Variants in KCNT2 observed in about 807,000 individuals in gnomAD.
KCNT2 encodes the protein potassium channel subfamily T member 2.
A neutral mutation model predicts 153.8 loss-of-function variants in KCNT2; 67 were observed. That is an observed-to-expected ratio of 0.44 (90% confidence interval 0.36 to 0.53). The LOEUF (loss-of-function observed/expected upper bound fraction) is 0.53, where lower values mean the gene tolerates loss of function less well. KCNT2 is among the 20% of genes least tolerant of loss of function. The pLI is 0.00. For synonymous variants in KCNT2, 500 were observed against 458.8 expected, an observed-to-expected ratio of 1.09 and a Z score of -1.15; for missense variants, 975 against 1,354.8, an observed-to-expected ratio of 0.72 and a Z score of 4.40.
chr1:196,457,777 A>G, intron 8 of KCNT2, among the ~76,000 whole-genome samples: 1 of 151,942 alleles, frequency 6.6e-6, no homozygotes, highest in Non-Finnish European at 1.5e-5. Context: ...AGGAGTCAAC[A>G]GTTAACTTAG....
At position 196,596,056 on chromosome 1, in the gene KCNT2, GTATATATATATATATATATATATA is replaced by G. The variant is rs1174131733; in HGVS notation, c.95+12135_95+12158del. Among the ~76,000 whole-genome samples, 32 of 4,356 alleles carry G rather than the reference GTATATATATATATATATATATATA, an allele frequency of 7.3e-3. 2 individuals carry two copies. The East Asian group carries it at 0.087, about 12-fold the overall frequency. The allele number at this position is 4,356 out of a possible 152,430, so 2.9% of individuals were successfully genotyped here. The stretch of plus-strand genomic sequence containing the variant: ...ATGGCTGAGTTGTATTCCATGATGT[GTATATATATATATATATATATATA>G]TATATATATATATATATATATCACA... On this transcript the variant is annotated intron_variant, in intron 1 of 27. Coordinates refer to ENST00000294725, the MANE Select transcript of KCNT2 (RefSeq NM_198503.5).
At chr1:196,413,549 A>T (rs965153392) in intron 12 of KCNT2, among the ~76,000 whole-genome samples, 13 of 151,754 alleles carry the variant, frequency 8.6e-5, no homozygotes, top group African/African-American at 2.9e-4. Context: ...ACAAATCTTC[A>T]AATGTTACCA....
chr1:196,272,819 A>G (rs762854991), intron 25 of KCNT2, among the ~76,000 whole-genome samples: 5 of 151,858 alleles, frequency 3.3e-5, no homozygotes, highest in Non-Finnish European at 5.9e-5. Flanking sequence ...GTGGTTACCA[A>G]TGGCCAGAGG....
intron 13 of KCNT2, among the ~76,000 whole-genome samples, chr1:196,382,596 A>G (rs1669605927): frequency 6.6e-6 from 1 of 152,088 alleles, no homozygotes; most frequent in African/African-American, 2.4e-5. Flanking sequence ...ATAGGGTATG[A>G]GGTAATTGGG....
At position 196,453,280 on chromosome 1, in the gene KCNT2, C is replaced by G. The variant is rs1676377415; in HGVS notation, c.638+12013G>C. On this transcript the variant is annotated intron_variant, in intron 8 of 27. Coordinates refer to ENST00000294725, the MANE Select transcript of KCNT2 (RefSeq NM_198503.5). ...TAGTGGATTTTCCATAGCCTCAACA[C>G]TACGGCACTTGAGGACTTTGGCTCA... Among the ~76,000 whole-genome samples the G allele has an allele frequency of 2.0e-5, 3 of 151,706 alleles. No individual in the cohort carries two copies. In the South Asian group the frequency reaches 6.2e-4, roughly 32 times the overall value.
In KCNT2 at chr1:196,332,256, G is replaced by A. The variant is rs1403675190; in HGVS notation, c.1998-995C>T. On this transcript the variant is annotated intron_variant, in intron 17 of 27. Coordinates refer to ENST00000294725, the MANE Select transcript of KCNT2 (RefSeq NM_198503.5). ...TCTACAATTACTCAACATCTCTTTC[G>A]TTTTTCTAGAAATAAGAAAAAATCT... is the stretch of plus-strand genomic sequence containing the variant. Among the ~76,000 whole-genome samples, 6 of 151,834 alleles carry A rather than the reference G, an allele frequency of 4.0e-5. No homozygotes were observed. The South Asian group carries it at 6.2e-4, about 16-fold the overall frequency.
Position 196,258,469 on chromosome 1 carries a change from T to A in KCNT2, c.2936A>T (p.Glu979Val). The change falls in exon 26 of 28, where the codon GAG becomes GTG. Residue 979 changes from glutamate (E) to valine (V), a missense_variant. Physicochemically the swap from Glu to Val is moderately radical, Grantham distance 121. Around this residue, in one of 6 missense-constraint regions of KCNT2, gnomAD observed 241 missense variants for 271.1 expected, o/e 0.89. Transcript: ENST00000294725. ...TTTGGAGTCTTTGGTGTCTTCCCACTCTTCTACACTGATAGATATTTGAGA... is the reference window on the plus strand; with the variant it reads ...TTTGGAGTCTTTGGTGTCTTCCCACACTTCTACACTGATAGATATTTGAGA... ...SESQISISVE[E>V]WEDTKDSKEQ... 6.3e-7 allele frequency: 1 copy of A among 1,599,416 alleles called. No homozygotes were observed. Among genetic ancestry groups the A allele is most frequent in the Non-Finnish European group, 8.6e-7 (1 of 1,169,080 alleles).
chr1:196,363,276 G>A (rs1667774949), intron 14 of KCNT2, among the ~76,000 whole-genome samples: 1 of 151,970 alleles, frequency 6.6e-6, no homozygotes, highest in Non-Finnish European at 1.5e-5. Flanking sequence ...CTTCCTTCAT[G>A]TTGTTTCTTT....
chr1:196,343,208 A>G (rs1472925848), intron 14 of KCNT2: 2 of 152,202 alleles, frequency 1.3e-5, no homozygotes, highest in Non-Finnish European at 2.9e-5. Flanking sequence ...CCACAAAAGT[A>G]TTTTTATAAA....
At chr1:196,238,174 C>T (rs1330093549) in intron 26 of KCNT2, among the ~76,000 whole-genome samples, 2 of 151,830 alleles carry the variant, frequency 1.3e-5, no homozygotes, top group Non-Finnish European at 2.9e-5. Flanking sequence ...CAACACCTAG[C>T]CTTTATCCTT....
At chr1:196,379,568 TC>T (rs1558218103) in intron 13 of KCNT2, among the ~76,000 whole-genome samples, 7 of 33,712 alleles carry the variant, frequency 2.1e-4, no homozygotes. Flanking sequence ...TGAGACTTTC[TC>T]TCTCTCTCTC....
At chr1:196,304,840 A>G (rs958876522) in intron 22 of KCNT2, among the ~76,000 whole-genome samples, 1 of 152,134 alleles carries the variant, frequency 6.6e-6, no homozygotes, top group African/African-American at 2.4e-5. Context: ...CCAAACTTCT[A>G]CTGGGGAGGT....
At chr1:196,256,300 T>C (rs1205812736) in intron 26 of KCNT2, among the ~76,000 whole-genome samples, 1 of 152,036 alleles carries the variant, frequency 6.6e-6, no homozygotes, top group Non-Finnish European at 1.5e-5. Flanking sequence ...CTAACAGTTC[T>C]GCCAAATTTT....
intron 12 of KCNT2, among the ~76,000 whole-genome samples, chr1:196,407,416 C>G (rs1671919147): frequency 6.6e-6 from 1 of 151,436 alleles, no homozygotes; most frequent in African/African-American, 2.4e-5. Flanking sequence ...TTCAAGGTAT[C>G]TTTTCAAGTT....
At chr1:196,326,180 A>C (rs2148069253) in intron 19 of KCNT2, among the ~76,000 whole-genome samples, 1 of 152,298 alleles carries the variant, frequency 6.6e-6, no homozygotes, top group South Asian at 2.1e-4. Flanking sequence ...TAACAAAAGT[A>C]AACCAATCCA....
intron 22 of KCNT2, among the ~76,000 whole-genome samples, chr1:196,299,629 G>A (rs1462556734): frequency 6.6e-6 from 1 of 152,006 alleles, no homozygotes; most frequent in East Asian, 1.9e-4. Context: ...CAGAGAAACG[G>A]GAACGCTTAT....
chr1:196,381,923 A>C (rs1363926759), intron 13 of KCNT2, among the ~76,000 whole-genome samples: 1 of 152,198 alleles, frequency 6.6e-6, no homozygotes, highest in Non-Finnish European at 1.5e-5. Context: ...TGATTCAAAA[A>C]TATTTTGGAA....
intron 14 of KCNT2, among the ~76,000 whole-genome samples, chr1:196,351,814 C>A (rs1361467465): frequency 1.3e-5 from 2 of 152,092 alleles, no homozygotes; most frequent in Admixed American, 6.6e-5. Flanking sequence ...CAGTTTTTGC[C>A]CATTCAGTAT....
chr1:196,350,313 A>C (rs2148209893), intron 14 of KCNT2, among the ~76,000 whole-genome samples: 1 of 152,280 alleles, frequency 6.6e-6, no homozygotes, highest in South Asian at 2.1e-4. Context: ...ACTAGTTTAC[A>C]GTCCCACCAA....
Sources: allele counts gnomAD v4.1 joint callset (sites outside exome capture counted in the v4.1 genomes callset), GRCh38; gene constraint gnomAD v4.1.1; regional missense constraint gnomAD v4.1.1; transcripts MANE v1.5; gene names NCBI Gene and HGNC (gene_info 2026-07-23, HGNC 2026-07-21).